The following COL11A1 variants were observed in gnomAD, a reference collection of about 807,000 sequenced individuals.
The protein encoded by COL11A1 is collagen type XI alpha 1 chain, also known as collagen alpha-1(XI) chain.
A neutral mutation model predicts 265.2 loss-of-function variants in COL11A1; 74 were observed. The ratio of observed to expected loss-of-function variants is 0.28; its 90% CI spans 0.23 to 0.34. The LOEUF (loss-of-function observed/expected upper bound fraction) is 0.34. COL11A1 is among the 10% of genes least tolerant of loss of function. The pLI, the probability that COL11A1 is intolerant of heterozygous loss-of-function variation, is 1.00. For synonymous variants in COL11A1, 816 were observed against 727.6 expected, an observed-to-expected ratio of 1.12 and a Z score of -1.96; for missense variants, 2,165 against 2,263.6, an observed-to-expected ratio of 0.96 and a Z score of 0.88.
intron 46 of COL11A1, among the ~76,000 whole-genome samples, chr1:102,927,597 C>T (rs1656760386): frequency 6.6e-6 from 1 of 151,796 alleles, no homozygotes; most frequent in Non-Finnish European, 1.5e-5. Flanking sequence ...GAGCCGAGAG[C>T]AGGCCACTGC....
chr1:102,951,787 T>G (rs1056852937), intron 41 of COL11A1, among the ~76,000 whole-genome samples: 2 of 151,936 alleles, frequency 1.3e-5, no homozygotes, highest in Non-Finnish European at 2.9e-5. Flanking sequence ...AGGCTTCAAA[T>G]GTACACACAT....
At chr1:102,886,777 C>T (rs1651034012) in intron 63 of COL11A1, 30 bp downstream of exon 63, 2 of 1,613,616 alleles carry the variant, frequency 1.2e-6, no homozygotes, top group East Asian at 2.2e-5. Flanking sequence ...GGGCTCGGTA[C>T]ATTTGCTTTG....
chr1:102,932,345 C>G (rs903259484), intron 46 of COL11A1, among the ~76,000 whole-genome samples: 2 of 152,052 alleles, frequency 1.3e-5, no homozygotes, highest in African/African-American at 4.8e-5. Context: ...TTCTCCTTCA[C>G]TTATGAAGGT....
chr1:102,910,171 G>C (rs1032464842), intron 54 of COL11A1, among the ~76,000 whole-genome samples: 1 of 151,628 alleles, frequency 6.6e-6, no homozygotes, highest in Non-Finnish European at 1.5e-5. Context: ...TTTTATGTTT[G>C]CATTAATACT....
intron 1 of COL11A1, chr1:103,100,125 T>G (rs772846634): frequency 1.3e-5 from 2 of 151,888 alleles, no homozygotes; most frequent in African/African-American, 2.4e-5. Context: ...AAGTGAGTAA[T>G]TTTTAAAATA....
At chr1:103,063,640 T>C (rs1319415179) in intron 4 of COL11A1, among the ~76,000 whole-genome samples, 1 of 152,066 alleles carries the variant, frequency 6.6e-6, no homozygotes, top group African/African-American at 2.4e-5. Context: ...CTAAATAACC[T>C]TGGGTATGGT....
At chr1:102,979,517 T>A in intron 31 of COL11A1, 82 bp from the exon 32 acceptor site, 1 of 906,190 alleles carries the variant, frequency 1.1e-6, no homozygotes. Flanking sequence ...TGGAACAGAG[T>A]GATTTTCACA....
chr1:103,014,722 G>A (rs545158324), intron 12 of COL11A1, 128 bp from the exon 13 acceptor site: 21 of 756,024 alleles, frequency 2.8e-5, no homozygotes, highest in East Asian at 1.6e-4. Flanking sequence ...AAGTAACTCC[G>A]TAATGAATCA....
chr1:103,065,085 T>G (rs189867451), intron 4 of COL11A1, among the ~76,000 whole-genome samples: 174 of 152,286 alleles, frequency 1.1e-3, no homozygotes, highest in Non-Finnish European at 1.9e-3. Context: ...TCTGTTGTAA[T>G]AAATTCCTAC....
Position 103,025,515 on chromosome 1 carries a change from T to G in COL11A1, c.990+6A>C, listed in dbSNP as rs977628503. On this transcript the variant is annotated splice_donor_region_variant and intron_variant, in intron 7 of 66. Transcript: ENST00000370096. ...ACTGTGATTTAATACTGTCTATACG[T>G]ATTACCTCATTTGTCCCAGAAACAT... The G allele has an allele frequency of 3.8e-6, 6 of 1,589,458 alleles. No homozygotes were observed. The highest frequency in any genetic ancestry group is 5.2e-6 in the Non-Finnish European group (6 of 1,157,986).
intron 46 of COL11A1, among the ~76,000 whole-genome samples, chr1:102,931,029 C>T (rs992163350): frequency 9.5e-5 from 14 of 146,992 alleles, no homozygotes; most frequent in African/African-American, 3.0e-4. Context: ...TTTGTTGATC[C>T]TTTCAAAAAA....
intron 57 of COL11A1, among the ~76,000 whole-genome samples, chr1:102,891,672 T>C (rs1319457092): frequency 6.7e-6 from 1 of 148,646 alleles, no homozygotes; most frequent in Non-Finnish European, 1.5e-5. Flanking sequence ...CCTAGGAATT[T>C]GCAACCAGCC....
Position 102,930,325 on chromosome 1 carries a change from C to T in COL11A1, c.3600+4124G>A, listed in dbSNP as rs552075393. 1.1e-4 allele frequency among the ~76,000 whole-genome samples: 16 copies of T among 151,776 alleles called. No homozygotes were observed. The East Asian group carries it at 3.1e-3, about 29-fold the overall frequency. ...AATGGTTGTTGAATTTTGTCAAAGGCTTTTTCTGCATCTATTGAGATAATC... is the reference window on the plus strand; with the variant it reads ...AATGGTTGTTGAATTTTGTCAAAGGTTTTTTCTGCATCTATTGAGATAATC... On this transcript the variant is annotated intron_variant, in intron 46 of 66. Transcript: ENST00000370096.
chr1:102,965,392 A>G, intron 38 of COL11A1, 95 bp downstream of exon 38: 1 of 1,158,368 alleles, frequency 8.6e-7, no homozygotes, highest in Non-Finnish European at 1.3e-6. Context: ...ATCATTTTGA[A>G]TCATAATAAA....
At chr1:103,069,677 A>G (rs911105170) in intron 4 of COL11A1, among the ~76,000 whole-genome samples, 8 of 151,986 alleles carry the variant, frequency 5.3e-5, no homozygotes, top group Non-Finnish European at 1.2e-4. Flanking sequence ...TATGCAGGAT[A>G]AAGTTTTATA....
At chr1:102,996,168 CTT>C in intron 26 of COL11A1, 126 bp from the exon 27 acceptor site, 1 of 930,062 alleles carries the variant, frequency 1.1e-6, no homozygotes, top group South Asian at 1.6e-5. Flanking sequence ...TTGATAAAGA[CTT>C]TTTGGTAGTT....
Position 103,053,617 on chromosome 1 carries a change from C to T in COL11A1, c.651+21001G>A, listed in dbSNP as rs183162438. Reference sequence around the variant, plus strand: ...TACATAAAACAGCCAAAAACAGATGCGCTTTTGAGTCTTGGCTAAGGATAA... The same window carrying T: ...TACATAAAACAGCCAAAAACAGATGTGCTTTTGAGTCTTGGCTAAGGATAA... On this transcript the variant is annotated intron_variant, in intron 4 of 66. Transcript: ENST00000370096. 7.2e-5 allele frequency among the ~76,000 whole-genome samples: 11 copies of T among 152,190 alleles called. No homozygotes were observed. In the South Asian group the frequency reaches 8.3e-4, roughly 11 times the overall value.
At chr1:103,048,242 T>C (rs995611550) in intron 4 of COL11A1, among the ~76,000 whole-genome samples, 3 of 152,194 alleles carry the variant, frequency 2.0e-5, no homozygotes, top group African/African-American at 7.2e-5. Flanking sequence ...CTGGACTTTT[T>C]TTGGTTGTTA....
chr1:102,953,932 AT>A lies in COL11A1; in HGVS notation c.3169-6977del, dbSNP rs1660130730. Reference sequence around the variant, plus strand: ...AGGGACTAAAAATTATAGCAATATTATTTTCTTAATATGTGATTTAAATGAC... The same window carrying A: ...AGGGACTAAAAATTATAGCAATATTATTTCTTAATATGTGATTTAAATGAC... On this transcript the variant is annotated intron_variant, in intron 41 of 66. Coordinates refer to ENST00000370096, the MANE Select transcript of COL11A1 (RefSeq NM_001854.4). 3.3e-5 allele frequency among the ~76,000 whole-genome samples: 5 copies of A among 152,120 alleles called. No individual in the cohort carries two copies. In the South Asian group the frequency reaches 1.0e-3, roughly 31 times the overall value.
Sources: allele counts gnomAD v4.1 joint callset (sites outside exome capture counted in the v4.1 genomes callset), GRCh38; gene constraint gnomAD v4.1.1; transcripts MANE v1.5; gene names NCBI Gene and HGNC (gene_info 2026-07-23, HGNC 2026-07-21).